STK32C: variants seen among roughly 807,000 people sequenced by gnomAD.
The protein encoded by STK32C is serine/threonine-protein kinase 32C.
A neutral mutation model predicts 56.5 loss-of-function variants in STK32C; 31 were observed. That is an observed-to-expected ratio of 0.55 (90% CI 0.41 to 0.74). STK32C has a LOEUF of 0.74. Among genes scored for constraint, STK32C ranks in the 30% least tolerant of loss-of-function variants. The pLI is 0.00. For missense variants in STK32C, 544 were observed against 676.9 expected, an observed-to-expected ratio of 0.80 and a Z score of 2.18; for synonymous variants, 309 against 289.4, an observed-to-expected ratio of 1.07 and a Z score of -0.69.
chr10:132,276,502 C>T (rs1356253406), intron 1 of STK32C, among the ~76,000 whole-genome samples: 3 of 152,142 alleles, frequency 2.0e-5, no homozygotes, highest in African/African-American at 4.8e-5. Flanking sequence ...ACAAAAGGGG[C>T]GAGGCACGGC....
At position 132,224,522 on chromosome 10, in the gene STK32C, C is replaced by T; in HGVS notation, c.878G>A (p.Arg293Lys). The T allele has an allele frequency of 6.3e-7, 1 of 1,592,354 alleles. No individual in the cohort carries two copies. Among genetic ancestry groups the T allele is most frequent in the Non-Finnish European group, 8.5e-7 (1 of 1,170,258 alleles). Residue 293 changes from arginine (R) to lysine (K), a missense_variant and splice_region_variant, in exon 8 of 12, where the codon AGG becomes AAG. Physicochemically the swap from Arg to Lys is conservative, Grantham distance 26. Around this residue, in one of 3 missense-constraint regions of STK32C, gnomAD observed 277 missense variants for 309.3 expected, o/e 0.90. Coordinates refer to ENST00000298630, the MANE Select transcript of STK32C (RefSeq NM_173575.4). ...VMAYELLRGW[R>K]PYDIHSSNAV... ...GTTGCTGGAGTGGATGTCATAGGGC[C>T]TCTGGAGACAGGGAGGCAGTGCTGG...
intron 1 of STK32C, among the ~76,000 whole-genome samples, chr10:132,303,537 T>A (rs1221071313): frequency 1.3e-5 from 2 of 152,186 alleles, no homozygotes; most frequent in East Asian, 3.8e-4. Flanking sequence ...AGGCTCAGCC[T>A]GTGTACCAGG....
At position 132,222,632 on chromosome 10, in the gene STK32C, G is replaced by C; in HGVS notation, c.1251+9C>G. The C allele has an allele frequency of 1.9e-6, 3 of 1,611,718 alleles. No individual in the cohort carries two copies. The highest frequency in any genetic ancestry group is 2.5e-6 in the Non-Finnish European group (3 of 1,179,842). Reference sequence around the variant, plus strand: ...CGCCGCCGCGCCCTGAGCCTGCCCTGGCACTCACGGACTGGGAGCTGTCCC... The same window carrying C: ...CGCCGCCGCGCCCTGAGCCTGCCCTCGCACTCACGGACTGGGAGCTGTCCC... On this transcript the variant is annotated intron_variant, in intron 10 of 11. Transcript: ENST00000298630.
chr10:132,314,782 G>A (rs942878446), intron 1 of STK32C, among the ~76,000 whole-genome samples: 3 of 152,126 alleles, frequency 2.0e-5, no homozygotes, highest in Non-Finnish European at 4.4e-5. Flanking sequence ...GAGATAAAAA[G>A]GAACATTTCA....
chr10:132,269,700 C>A (rs944234659), intron 1 of STK32C, among the ~76,000 whole-genome samples: 1 of 152,246 alleles, frequency 6.6e-6, no homozygotes. Flanking sequence ...GCATTCCAGA[C>A]CCTTGCCTCG....
chr10:132,320,379 T>A (rs6560690), downstream of STK32C, among the ~76,000 whole-genome samples: 3 of 151,796 alleles, frequency 2.0e-5, no homozygotes, highest in Non-Finnish European at 2.9e-5. Flanking sequence ...GCGGTGACTG[T>A]GGGTTTTAAA....
intron 5 of STK32C, 22 bp downstream of exon 5, chr10:132,225,725 G>A: frequency 6.2e-7 from 1 of 1,614,020 alleles, no homozygotes; most frequent in Non-Finnish European, 8.5e-7. Flanking sequence ...CACCTGGGCT[G>A]CCCACACCCA....
In STK32C at chr10:132,247,891, G is replaced by A. The variant is rs187569651; in HGVS notation, c.263-1936C>T. 7.0e-3 allele frequency among the ~76,000 whole-genome samples: 1,068 copies of A among 152,250 alleles called. 18 individuals are homozygous for A. Among genetic ancestry groups the A allele is most frequent in the African/African-American group, 0.024 (998 of 41,536 alleles). Reference sequence around the variant, plus strand: ...TTGACGGAGGGGGTGGGGCTTCAAGGGGTGAGAGAAGAGGCTGCCAGGCAT... The same window carrying A: ...TTGACGGAGGGGGTGGGGCTTCAAGAGGTGAGAGAAGAGGCTGCCAGGCAT... On this transcript the variant is annotated intron_variant, in intron 1 of 11. Coordinates refer to ENST00000298630, the MANE Select transcript of STK32C (RefSeq NM_173575.4).
chr10:132,267,734 C>CGT lies in STK32C; in HGVS notation c.263-21781_263-21780dup, dbSNP rs1234187299. Among the ~76,000 whole-genome samples the CGT allele has an allele frequency of 1.0e-3, 108 of 107,268 alleles. 3 individuals carry two copies. The highest frequency in any genetic ancestry group is 1.7e-3 in the Non-Finnish European group (92 of 54,402). The allele number at this position is 107,268 out of a possible 152,430, so 70.4% of individuals were successfully genotyped here. A position where few individuals can be genotyped will look rare whatever the true frequency, so the allele number is the denominator to read the frequency against. On this transcript the variant is annotated intron_variant, in intron 1 of 11. Transcript: ENST00000298630. ...GTCTATGTGCATGCATGTCCCACAT[C>CGT]GTGTGTGTGTGTGTCGGTGCGTGTG...
At chr10:132,328,009 A>G (rs907797102) in intron 1 of STK32C, among the ~76,000 whole-genome samples, 4 of 152,132 alleles carry the variant, frequency 2.6e-5, no homozygotes, top group Admixed American at 2.0e-4. Context: ...CAGGGCTGGA[A>G]TAAGTCTCTT....
intron 1 of STK32C, among the ~76,000 whole-genome samples, chr10:132,274,900 C>G (rs767131121): frequency 4.6e-5 from 7 of 152,334 alleles, no homozygotes; most frequent in Middle Eastern, 3.4e-3. Context: ...GCCTTAAATC[C>G]ACCCTGTTCT....
chr10:132,299,578 G>A (rs745970226), intron 1 of STK32C, among the ~76,000 whole-genome samples: 3 of 152,252 alleles, frequency 2.0e-5, no homozygotes, highest in East Asian at 1.9e-4. Context: ...CGCTCTGGCC[G>A]AGGTGCCGTG....
At chr10:132,221,327 C>A (rs1437300246) in intron 10 of STK32C, among the ~76,000 whole-genome samples, 1 of 150,932 alleles carries the variant, frequency 6.6e-6, no homozygotes, top group African/African-American at 2.4e-5. Context: ...CGTCCCCACA[C>A]ACACAACTGA....
intron 2 of STK32C, among the ~76,000 whole-genome samples, chr10:132,230,160 C>T (rs1406265125): frequency 6.6e-6 from 1 of 151,656 alleles, no homozygotes; most frequent in Non-Finnish European, 1.5e-5. Context: ...CGGGGCGGGG[C>T]GGGATTTCTC....
At chr10:132,291,391 C>A (rs2065559230) in intron 1 of STK32C, among the ~76,000 whole-genome samples, 1 of 152,204 alleles carries the variant, frequency 6.6e-6, no homozygotes, top group Non-Finnish European at 1.5e-5. Flanking sequence ...GAGGATGAGG[C>A]TCTGCTTTCT....
At chr10:132,262,514 G>T (rs1301847917) in intron 1 of STK32C, among the ~76,000 whole-genome samples, 1 of 152,120 alleles carries the variant, frequency 6.6e-6, no homozygotes, top group African/African-American at 2.4e-5. Flanking sequence ...TACAAACAGG[G>T]AGAAAATATT....
intron 1 of STK32C, among the ~76,000 whole-genome samples, chr10:132,258,382 C>T (rs865819280): frequency 2.6e-5 from 4 of 152,256 alleles, no homozygotes; most frequent in Non-Finnish European, 4.4e-5. Flanking sequence ...GCCTCCTTTT[C>T]CTAAAATGGA....
Position 132,225,425 on chromosome 10 carries a change from G to A in STK32C, c.773-89C>T, listed in dbSNP as rs576933822. ...GGCCGGCACCTTGAGGCCACATCCC[G>A]AGACCAGGCTGCCTCCAGGGTGGGA... On this transcript the variant is annotated intron_variant, in intron 6 of 11. Transcript: ENST00000298630. The A allele has an allele frequency of 1.9e-4, 300 of 1,587,278 alleles. 1 individual carries two copies. Among genetic ancestry groups the A allele is most frequent in the South Asian group, 1.5e-3 (133 of 90,078 alleles).
downstream of STK32C, among the ~76,000 whole-genome samples, chr10:132,321,766 G>T (rs1919717): frequency 0.43 from 64,951 of 151,988 alleles, 14,509 homozygotes; most frequent in African/African-American, 0.55. Flanking sequence ...CGGAGGGTTG[G>T]TCATTCATTT....
Sources: gnomAD v4.1 joint callset for allele counts (sites outside exome capture counted in the v4.1 genomes callset) on GRCh38, gnomAD v4.1.1 for gene constraint, gnomAD v4.1.1 regional missense constraint, MANE v1.5 for transcripts, NCBI Gene and HGNC (gene_info 2026-07-23, HGNC 2026-07-21) for gene names.